The following KLRG1 variants were observed in gnomAD, a reference collection of about 807,000 sequenced individuals.
KLRG1 encodes the protein killer cell lectin-like receptor subfamily G member 1.
Under a neutral mutation model 21.8 loss-of-function variants are expected in KLRG1, and 16 were observed. The ratio of observed to expected loss-of-function variants is 0.73; its 90% CI spans 0.50 to 1.11. KLRG1 has a LOEUF of 1.11. Among genes scored for constraint, KLRG1 ranks in the 50% most tolerant of loss-of-function variants. The pLI, the probability that KLRG1 is intolerant of heterozygous loss-of-function variation, is 0.00. For missense variants in KLRG1, 173 were observed against 218.3 expected, an observed-to-expected ratio of 0.79 and a Z score of 1.31; for synonymous variants, 69 against 75.9, an observed-to-expected ratio of 0.91 and a Z score of 0.47.
At chr12:9,213,787 C>T in the KLRG1 span, among the ~76,000 whole-genome samples, 1 of 151,946 alleles carries the variant, frequency 6.6e-6, no homozygotes, top group Non-Finnish European at 1.5e-5. Flanking sequence ...TGGGTTGTCT[C>T]TTCATGCATG....
chr12:8,982,313 C>A lies in KLRG1; in HGVS notation c.-155-9893C>A, dbSNP rs112691128. Among the ~76,000 whole-genome samples, 888 of 152,274 alleles carry A rather than the reference C, an allele frequency of 5.8e-3. 12 individuals carry two copies. The highest frequency in any genetic ancestry group is 0.02 in the African/African-American group (813 of 41,558). ...CAAAGGTGGCAGAAGAATCCACAAG[C>A]CAAGAAATTTGAAATTTGGCAAAAC... On this transcript the variant is annotated intron_variant, in intron 1 of 4. Transcript: ENST00000539240.
At chr12:9,146,254 A>G in the KLRG1 span, among the ~76,000 whole-genome samples, 5 of 150,256 alleles carry the variant, frequency 3.3e-5, no homozygotes, top group Non-Finnish European at 7.4e-5. Context: ...ACTACTTCCA[A>G]TGACTGGTGT....
the KLRG1 span, among the ~76,000 whole-genome samples, chr12:9,075,137 G>T: frequency 6.6e-6 from 1 of 152,072 alleles, no homozygotes; most frequent in African/African-American, 2.4e-5. Flanking sequence ...CCTATAAAGT[G>T]TGTCTTTATC....
the KLRG1 span, among the ~76,000 whole-genome samples, chr12:9,156,586 A>AT: frequency 6.6e-6 from 1 of 152,362 alleles, no homozygotes; most frequent in East Asian, 1.9e-4. Flanking sequence ...GTAGAGAGAA[A>AT]TCATGAGAAA....
chr12:9,181,245 T>G, the KLRG1 span: 1 of 1,344,202 alleles, frequency 7.4e-7, no homozygotes, highest in Non-Finnish European at 1.0e-6. Flanking sequence ...ATGTTGGTAA[T>G]GTCAGTCAGA....
chr12:9,192,457 G>C, the KLRG1 span: 4 of 1,506,658 alleles, frequency 2.7e-6, no homozygotes, highest in Non-Finnish European at 3.7e-6. Flanking sequence ...TGAGCCTATT[G>C]ACCACTTTTG....
the KLRG1 span, among the ~76,000 whole-genome samples, chr12:9,138,067 G>GGCA: frequency 4.6e-5 from 7 of 151,976 alleles, no homozygotes; most frequent in Non-Finnish European, 2.9e-5. Context: ...GAATAAAAGT[G>GGCA]GCAAGAGTGG....
chr12:8,999,584 T>C (rs1947245250), intron 3 of KLRG1, among the ~76,000 whole-genome samples: 1 of 152,224 alleles, frequency 6.6e-6, no homozygotes, highest in African/African-American at 2.4e-5. Flanking sequence ...GGTAACATGG[T>C]CACTTTTCTG....
chr12:9,183,348 AGTC>A, the KLRG1 span, among the ~76,000 whole-genome samples: 1 of 152,318 alleles, frequency 6.6e-6, no homozygotes, highest in African/African-American at 2.4e-5. Flanking sequence ...TCACTATAGT[AGTC>A]ATTTTATTAT....
the KLRG1 span, among the ~76,000 whole-genome samples, chr12:9,104,662 G>C: frequency 6.6e-6 from 1 of 152,122 alleles, no homozygotes; most frequent in African/African-American, 2.4e-5. Flanking sequence ...CAGTGTGAAG[G>C]GATAGAGAGT....
chr12:9,041,822 T>A, the KLRG1 span, among the ~76,000 whole-genome samples: 2 of 152,190 alleles, frequency 1.3e-5, no homozygotes, highest in Non-Finnish European at 2.9e-5. Context: ...CAGTCAACCA[T>A]AGAACCATGA....
At chr12:9,048,859 TGAAAGGTATACA>T in the KLRG1 span, among the ~76,000 whole-genome samples, 1,039 of 152,250 alleles carry the variant, frequency 6.8e-3, 14 homozygotes, top group African/African-American at 0.02. Flanking sequence ...GAAAATAAAA[TGAAAGGTATACA>T]GACTGGTAAG....
At chr12:9,113,455 T>G in the KLRG1 span, 1 of 1,613,882 alleles carries the variant, frequency 6.2e-7, no homozygotes, top group Non-Finnish European at 8.5e-7. Flanking sequence ...GCACTTACAG[T>G]CACTGTCTCA....
At chr12:8,955,475 C>T (rs1006821148) in intron 1 of KLRG1, among the ~76,000 whole-genome samples, 5 of 143,018 alleles carry the variant, frequency 3.5e-5, no homozygotes, top group African/African-American at 5.2e-5. Context: ...ACTGCAGCTT[C>T]GACCTCCCAG....
At chr12:9,192,352 G>T in the KLRG1 span, 2 of 1,355,584 alleles carry the variant, frequency 1.5e-6, no homozygotes, top group Non-Finnish European at 2.1e-6. Flanking sequence ...TCAAGTCTGT[G>T]CTGGAGAGAA....
the KLRG1 span, among the ~76,000 whole-genome samples, chr12:9,108,421 G>A: frequency 2.0e-5 from 3 of 152,076 alleles, no homozygotes; most frequent in Non-Finnish European, 2.9e-5. Flanking sequence ...CCACCACGCC[G>A]GGCCTGTTTA....
chr12:9,108,968 T>A, the KLRG1 span, among the ~76,000 whole-genome samples: 1 of 152,182 alleles, frequency 6.6e-6, no homozygotes, highest in South Asian at 2.1e-4. Context: ...ATCTCCCTAA[T>A]ATACGTTTGG....
the KLRG1 span, chr12:9,107,484 C>A: frequency 6.2e-7 from 1 of 1,608,092 alleles, no homozygotes; most frequent in South Asian, 1.1e-5. Flanking sequence ...TCAACAATGC[C>A]TTTATCGCTA....
At chr12:9,157,426 T>A in the KLRG1 span, 1 of 1,395,596 alleles carries the variant, frequency 7.2e-7, no homozygotes, top group Non-Finnish European at 9.8e-7. Context: ...AGCTGGATAT[T>A]GACAGTCAGA....
Sources: gnomAD v4.1 joint callset for allele counts (sites outside exome capture counted in the v4.1 genomes callset) on GRCh38, gnomAD v4.1.1 for gene constraint, MANE v1.5 for transcripts, NCBI Gene and HGNC (gene_info 2026-07-23, HGNC 2026-07-21) for gene names.